Variants in NMBR observed in about 807,000 individuals in gnomAD.
NMBR encodes neuromedin B receptor.
NMBR carries 16 observed loss-of-function variants against 20.5 expected under a neutral mutation model. That is an observed-to-expected ratio of 0.78 (90% confidence interval 0.53 to 1.19). The LOEUF (loss-of-function observed/expected upper bound fraction) is 1.19. Ranked by LOEUF, NMBR falls within the 50% of genes most tolerant of loss-of-function variation. NMBR has a pLI of 0.00. For missense variants in NMBR, 582 were observed against 499.1 expected (o/e 1.17, Z -1.58); for synonymous variants, 212 against 196.6 (o/e 1.08, Z -0.65).
intron 1 of NMBR, among the ~76,000 whole-genome samples, chr6:142,094,344 G>A (rs184451466): frequency 1.6e-3 from 242 of 152,260 alleles, no homozygotes; most frequent in Middle Eastern, 3.4e-3. Context: ...GTAAGGAAGG[G>A]ATCCAGTTTC....
rs568879634 is a variant in NMBR, at chr6:142,107,301, A to G, written c.-663-17980T>C. ...AAAACCAGTCTTGCAAAGGGGGCTG[A>G]ATTTAATTGGATTACACTGTGGAAC... On this transcript the variant is annotated intron_variant, in intron 1 of 3. Coordinates refer to ENST00000258042, the MANE Select transcript of NMBR (RefSeq NM_002511.4). Among the ~76,000 whole-genome samples the G allele has an allele frequency of 4.6e-5, 7 of 152,326 alleles. No homozygotes were observed. The South Asian group carries it at 1.4e-3, about 32-fold the overall frequency.
intron 2 of NMBR, among the ~76,000 whole-genome samples, chr6:142,079,492 T>C (rs1020719877): frequency 1.3e-5 from 2 of 152,178 alleles, no homozygotes; most frequent in African/African-American, 4.8e-5. Flanking sequence ...TCTAAATCTA[T>C]ATATGTTACA....
At chr6:142,091,121 GTTAT>G (rs1275968481) in intron 1 of NMBR, among the ~76,000 whole-genome samples, 1 of 152,182 alleles carries the variant, frequency 6.6e-6, no homozygotes, top group East Asian at 1.9e-4. Context: ...ATAATAATGT[GTTAT>G]TTAGATTCAT....
At chr6:142,091,046 G>A (rs1777311701) in intron 1 of NMBR, among the ~76,000 whole-genome samples, 1 of 151,910 alleles carries the variant, frequency 6.6e-6, no homozygotes, top group Non-Finnish European at 1.5e-5. Context: ...TGTGTTCATT[G>A]TAGTGAAGAA....
chr6:142,095,592 A>C (rs1386572932), intron 1 of NMBR, among the ~76,000 whole-genome samples: 5 of 152,190 alleles, frequency 3.3e-5, no homozygotes, highest in Non-Finnish European at 1.5e-5. Flanking sequence ...GATGTTCCTC[A>C]GGGATATTGG....
At chr6:142,083,137 G>A (rs1483675651) in intron 2 of NMBR, among the ~76,000 whole-genome samples, 1 of 152,168 alleles carries the variant, frequency 6.6e-6, no homozygotes, top group Non-Finnish European at 1.5e-5. Context: ...TAAACTAGAA[G>A]TGTTCAAGAT....
intron 3 of NMBR, among the ~76,000 whole-genome samples, chr6:142,076,727 CT>C (rs1776957770): frequency 2.6e-5 from 4 of 152,148 alleles, no homozygotes; most frequent in African/African-American, 7.2e-5. Flanking sequence ...GACATCAATA[CT>C]TTTTAATCTA....
intron 2 of NMBR, among the ~76,000 whole-genome samples, chr6:142,083,493 G>A (rs950190436): frequency 5.3e-5 from 8 of 151,954 alleles, no homozygotes; most frequent in Non-Finnish European, 8.8e-5. Flanking sequence ...TTCTCCTGTC[G>A]CAGGTCTGAT....
chr6:142,135,827 A>G (rs13196990), intron 1 of NMBR, among the ~76,000 whole-genome samples: 2 of 151,896 alleles, frequency 1.3e-5, no homozygotes, highest in African/African-American at 2.4e-5. Flanking sequence ...ACATGAACTC[A>G]CCATTTTTTA....
intron 1 of NMBR, among the ~76,000 whole-genome samples, chr6:142,146,250 G>A (rs225622): frequency 0.35 from 53,958 of 152,034 alleles, 10,780 homozygotes; most frequent in Middle Eastern, 0.52. Context: ...TCTTCTGGGG[G>A]TGAGAGAGTG....
At chr6:142,087,954 T>C (rs546367654) in intron 2 of NMBR, among the ~76,000 whole-genome samples, 1 of 152,328 alleles carries the variant, frequency 6.6e-6, no homozygotes, top group African/African-American at 2.4e-5. Context: ...GAAATAATAT[T>C]CCCTAAGTGT....
At chr6:142,127,983 T>A (rs1431119055) in intron 1 of NMBR, among the ~76,000 whole-genome samples, 1 of 152,086 alleles carries the variant, frequency 6.6e-6, no homozygotes, top group Non-Finnish European at 1.5e-5. Context: ...TTGATATGGT[T>A]TGAATTTGTG....
chr6:142,080,376 T>C (rs993934820), intron 2 of NMBR, among the ~76,000 whole-genome samples: 1 of 148,820 alleles, frequency 6.7e-6, no homozygotes, highest in Non-Finnish European at 1.5e-5. Context: ...AGTTGCCTGA[T>C]CACAGCTCAC....
chr6:142,128,512 T>C (rs1778080234), intron 1 of NMBR, among the ~76,000 whole-genome samples: 1 of 152,068 alleles, frequency 6.6e-6, no homozygotes, highest in African/African-American at 2.4e-5. Flanking sequence ...GCTTTTCATA[T>C]ATGGCCTTTA....
chr6:142,117,394 A>G (rs1469909329), intron 1 of NMBR, among the ~76,000 whole-genome samples: 1 of 151,950 alleles, frequency 6.6e-6, no homozygotes, highest in African/African-American at 2.4e-5. Flanking sequence ...ACATCTCAAT[A>G]CTTAATAAGT....
Position 142,131,331 on chromosome 6 carries a change from CT to C in NMBR, c.-664+15712del, listed in dbSNP as rs1232662258. 2.6e-5 allele frequency among the ~76,000 whole-genome samples: 4 copies of C among 152,316 alleles called. No individual in the cohort carries two copies. The Middle Eastern group carries it at 0.01, about 389-fold the overall frequency. On this transcript the variant is annotated intron_variant, in intron 1 of 3. Transcript: ENST00000258042. Reference sequence around the variant, plus strand: ...ATTTTCTTTTCATACACCCACACCTCTGCAATGTGACTTCACAGATCCATCA... The same window carrying C: ...ATTTTCTTTTCATACACCCACACCTCGCAATGTGACTTCACAGATCCATCA...
At chr6:142,122,133 A>G (rs1305160663) in intron 1 of NMBR, among the ~76,000 whole-genome samples, 2 of 152,060 alleles carry the variant, frequency 1.3e-5, no homozygotes, top group Middle Eastern at 3.4e-3. Flanking sequence ...GAATAAAGTC[A>G]CTTTCCTTTC....
chr6:142,122,108 C>T (rs1215086571), intron 1 of NMBR, among the ~76,000 whole-genome samples: 1 of 151,928 alleles, frequency 6.6e-6, no homozygotes, highest in Non-Finnish European at 1.5e-5. Flanking sequence ...GCCATTTCTC[C>T]CACTGCTAGC....
intron 1 of NMBR, among the ~76,000 whole-genome samples, chr6:142,139,267 C>T (rs76099799): frequency 0.015 from 2,338 of 152,236 alleles, 50 homozygotes; most frequent in South Asian, 0.07. Context: ...CATAGATAAA[C>T]GCTTGGATTT....
Sources: allele counts gnomAD v4.1 joint callset (sites outside exome capture counted in the v4.1 genomes callset), GRCh38; gene constraint gnomAD v4.1.1; transcripts MANE v1.5; gene names NCBI Gene and HGNC (gene_info 2026-07-23, HGNC 2026-07-21).